ZSCAN2: variants seen among roughly 807,000 people sequenced by gnomAD.
ZSCAN2 encodes the protein zinc finger and SCAN domain-containing protein 2.
A neutral mutation model predicts 47.8 loss-of-function variants in ZSCAN2; 26 were observed. That is an observed-to-expected ratio of 0.54 (90% confidence interval 0.40 to 0.75). The LOEUF is 0.75. ZSCAN2 is among the 30% of genes least tolerant of loss of function. ZSCAN2 has a pLI of 0.00. For missense variants in ZSCAN2, 732 were observed against 785.4 expected (o/e 0.93, Z 0.81); for synonymous variants, 305 against 288.7 (o/e 1.06, Z -0.57).
In ZSCAN2 at chr15:84,623,378, C is replaced by A. The variant is rs1204045952; in HGVS notation, c.*1338C>A. On this transcript the variant is annotated 3_prime_UTR_variant, in exon 3 of 3. Coordinates refer to ENST00000546148, the MANE Select transcript of ZSCAN2 (RefSeq NM_181877.4). ...AAGTGCTGGGATTACAGGCGTGAGC[C>A]AGCGCACCCGGCCAAGAACATTATT... 5.1e-6 allele frequency: 1 copy of A among 196,850 alleles called. No homozygotes were observed. The highest frequency in any genetic ancestry group is 1.2e-5 in the Non-Finnish European group (1 of 84,186). 12.2% of individuals were successfully genotyped at this position (196,850 alleles called of 1,614,324 possible).
rs11635597 is a variant in ZSCAN2 at position 84,622,468 on chromosome 15, C to T, written c.*428C>T. On this transcript the variant is annotated 3_prime_UTR_variant, in exon 3 of 3. Transcript: ENST00000546148. ...TGGTTGTTTTGTTGTTTTGCTGCCA[C>T]GTTGTTGGGCTAAGGTGCCTTCACC... 0.23 allele frequency: 142,550 copies of T among 616,934 alleles called. 18,521 individuals carry two copies. Among genetic ancestry groups the T allele is most frequent in the Middle Eastern group, 0.39 (1,259 of 3,218 alleles). The allele number at this position is 616,934 out of a possible 1,614,324, so 38.2% of individuals were successfully genotyped here. A position where few individuals can be genotyped will look rare whatever the true frequency, so the allele number is the denominator to read the frequency against.
chr15:84,615,624 C>CT (rs1256630150), intron 2 of ZSCAN2, among the ~76,000 whole-genome samples: 2 of 152,244 alleles, frequency 1.3e-5, no homozygotes, highest in Non-Finnish European at 2.9e-5. Context: ...GCCAACGCGC[C>CT]TGGCCCTCTG....
At chr15:84,612,483 C>T (rs144094201) in intron 2 of ZSCAN2, among the ~76,000 whole-genome samples, 1,777 of 152,244 alleles carry the variant, frequency 0.012, 36 homozygotes, top group African/African-American at 0.04. Flanking sequence ...GCCTGTAATC[C>T]GAGCACTTTG....
chr15:84,622,634 T>G lies in ZSCAN2; in HGVS notation c.*594T>G. On this transcript the variant is annotated 3_prime_UTR_variant, in exon 3 of 3. Coordinates refer to ENST00000546148, the MANE Select transcript of ZSCAN2 (RefSeq NM_181877.4). ...TCACCCACGTGAAGGTAAAGACCCT[T>G]TCTATTTCCAGAAAGTGTCAGGAGC... 1.4e-6 allele frequency: 1 copy of G among 717,512 alleles called. No individual in the cohort carries two copies. The highest frequency in any genetic ancestry group is 1.7e-5 in the African/African-American group (1 of 57,384). The allele number at this position is 717,512 out of a possible 1,614,324, so 44.4% of individuals were successfully genotyped here. A position where few individuals can be genotyped will look rare whatever the true frequency, so the allele number is the denominator to read the frequency against.
rs1305302647 is a variant in ZSCAN2 at position 84,604,052 on chromosome 15, A to G, written c.125A>G (p.Gln42Arg). The G allele has an allele frequency of 6.2e-7, 1 of 1,614,054 alleles. No individual in the cohort carries two copies. Among genetic ancestry groups the G allele is most frequent in the Admixed American group, 1.7e-5 (1 of 60,002 alleles). The change falls in exon 2 of 3, where the codon CAA (glutamine) becomes CGA (arginine). Residue 42 changes from glutamine to arginine, a missense_variant. Physicochemically the swap from Gln to Arg is conservative, Grantham distance 43 (BLOSUM62 1). This residue lies in a region of ZSCAN2 where 320 missense variants were observed against 287.4 expected (regional missense o/e 1.11). Transcript: ENST00000546148. ...TMILEDDSWV[Q>R]EAVLQEDGPE... ...ATCCTGGAGGATGACTCCTGGGTGC[A>G]AGAAGCTGTGCTGCAGGAGGATGGC...
chr15:84,604,383 A>T, intron 2 of ZSCAN2, 50 bp downstream of exon 2: 1 of 1,547,742 alleles, frequency 6.5e-7, no homozygotes, highest in African/African-American at 1.4e-5. Context: ...CTTCCAAGGT[A>T]GAGGAGTGTG....
intron 2 of ZSCAN2, among the ~76,000 whole-genome samples, chr15:84,607,623 C>G (rs1895422024): frequency 6.6e-6 from 1 of 152,162 alleles, no homozygotes; most frequent in Admixed American, 6.5e-5. Context: ...ATTCTCCTGC[C>G]TCAGCCTCCC....
chr15:84,621,919 T>C lies in ZSCAN2; in HGVS notation c.1724T>C (p.Ile575Thr). 6.2e-7 allele frequency: 1 copy of C among 1,613,268 alleles called. No homozygotes were observed. The highest frequency in any genetic ancestry group is 8.5e-7 in the Non-Finnish European group (1 of 1,179,606). Residue 575 changes from isoleucine (I) to threonine (T), a missense_variant, in exon 3 of 3, where the codon ATA becomes ACA. Around this residue, in one of 2 missense-constraint regions of ZSCAN2, gnomAD observed 412 missense variants for 498.0 expected, o/e 0.83. Transcript: ENST00000546148. The surrounding 1 kb of genome is among the most constrained non-coding windows in gnomAD (Gnocchi z 5.7). ...TTTAGCTGGAACTCAGTCCTCATTA[T>C]ACATCAGCGAATCCACACTGGGGAG... is the stretch of plus-strand genomic sequence containing the variant. Reference protein sequence around the residue: ...KGFSWNSVLIIHQRIHTGEKP... With the variant: ...KGFSWNSVLITHQRIHTGEKP...
chr15:84,602,137 G>A (rs1018957469), intron 1 of ZSCAN2: 1 of 152,066 alleles, frequency 6.6e-6, no homozygotes, highest in Non-Finnish European at 1.5e-5. Flanking sequence ...TTTTAGTAGA[G>A]ACGAGGTTTC....
At chr15:84,612,826 T>C (rs1895591671) in intron 2 of ZSCAN2, among the ~76,000 whole-genome samples, 2 of 152,228 alleles carry the variant, frequency 1.3e-5, no homozygotes, top group South Asian at 2.1e-4. Context: ...TTTGATTGTC[T>C]TGTATGTAAT....
chr15:84,605,182 C>T (rs192536526), intron 2 of ZSCAN2, among the ~76,000 whole-genome samples: 42 of 152,174 alleles, frequency 2.8e-4, no homozygotes, highest in African/African-American at 9.6e-4. Context: ...TATTTTTTTC[C>T]GGTGTTACTA....
At chr15:84,620,072 T>G (rs1895781624) in intron 2 of ZSCAN2, among the ~76,000 whole-genome samples, 1 of 152,028 alleles carries the variant, frequency 6.6e-6, no homozygotes, top group African/African-American at 2.4e-5. Flanking sequence ...CAGCATCCAT[T>G]AGCTATTCTT....
At chr15:84,609,706 G>C (rs2341185) in intron 2 of ZSCAN2, among the ~76,000 whole-genome samples, 129,734 of 152,192 alleles carry the variant, frequency 0.85, 55,466 homozygotes, top group East Asian at 0.93. Flanking sequence ...CGCTCTAATG[G>C]GGAGAGCCCT....
chr15:84,606,821 G>A, intron 2 of ZSCAN2: 1 of 1,263,642 alleles, frequency 7.9e-7, no homozygotes, highest in Non-Finnish European at 9.9e-7. Flanking sequence ...GTCTGTCCCT[G>A]ACTTCTGCCT....
rs550859988 is a variant in ZSCAN2, at chr15:84,609,480, G to A, written c.406+5147G>A. ...TGCGATAACAGGAATGAGCCACTGT[G>A]CCCAGCCCAAAAATTACCTTTAATT... On this transcript the variant is annotated intron_variant, in intron 2 of 2. Transcript: ENST00000546148. Among the ~76,000 whole-genome samples the A allele has an allele frequency of 5.8e-4, 89 of 152,208 alleles. 1 individual carries two copies. The highest frequency in any genetic ancestry group is 3.4e-3 in the Middle Eastern group (1 of 294).
chr15:84,614,584 T>C (rs1222219557), intron 2 of ZSCAN2: 4 of 152,208 alleles, frequency 2.6e-5, no homozygotes, highest in Non-Finnish European at 5.9e-5. Context: ...TCAAAGCTGT[T>C]TGCCTATAGG....
chr15:84,620,179 A>G (rs1298775965), intron 2 of ZSCAN2, among the ~76,000 whole-genome samples: 1 of 152,136 alleles, frequency 6.6e-6, no homozygotes, highest in Non-Finnish European at 1.5e-5. Context: ...TGCTTATAAG[A>G]GAAAAGATGC....
Position 84,623,301 on chromosome 15 carries a change from C to T in ZSCAN2, c.*1261C>T. ...TAGAGACGGGGTTTCACCGCGTTAG[C>T]CAGGATGGTTTCGATCTCCTGTCCT... On this transcript the variant is annotated 3_prime_UTR_variant, in exon 3 of 3. Transcript: ENST00000546148. The T allele has an allele frequency of 5.4e-6, 1 of 186,372 alleles. No homozygotes were observed. Among genetic ancestry groups the T allele is most frequent in the Non-Finnish European group, 1.2e-5 (1 of 82,902 alleles). 11.5% of individuals were successfully genotyped at this position (186,372 alleles called of 1,614,324 possible). A position where few individuals can be genotyped will look rare whatever the true frequency, so the allele number is the denominator to read the frequency against.
chr15:84,622,673 G>A lies in ZSCAN2; in HGVS notation c.*633G>A. ...AGTGTCAGGAGCACAGAAACTTGAG[G>A]AAGTACAGCCTGGAGCCAGTGTCCC... is the stretch of plus-strand genomic sequence containing the variant. On this transcript the variant is annotated 3_prime_UTR_variant, in exon 3 of 3. Coordinates refer to ENST00000546148, the MANE Select transcript of ZSCAN2 (RefSeq NM_181877.4). The A allele has an allele frequency of 1.4e-6, 1 of 717,444 alleles. No homozygotes were observed. Among genetic ancestry groups the A allele is most frequent in the South Asian group, 1.5e-5 (1 of 67,590 alleles). The allele number at this position is 717,444 out of a possible 1,614,324, so 44.4% of individuals were successfully genotyped here. A position where few individuals can be genotyped will look rare whatever the true frequency, so the allele number is the denominator to read the frequency against.
Sources: allele counts gnomAD v4.1 joint callset (sites outside exome capture counted in the v4.1 genomes callset), GRCh38; gene constraint gnomAD v4.1.1; regional missense constraint gnomAD v4.1.1; non-coding constraint Gnocchi (gnomAD v3.1); transcripts MANE v1.5; gene names NCBI Gene and HGNC (gene_info 2026-07-23, HGNC 2026-07-21).